Variants in TTC39C observed in about 807,000 individuals in gnomAD.
TTC39C encodes tetratricopeptide repeat domain 39C, also known as tetratricopeptide repeat protein 39C.
A neutral mutation model predicts 76.3 loss-of-function variants in TTC39C; 33 were observed. The ratio of observed to expected loss-of-function variants is 0.43; its 90% CI spans 0.33 to 0.58. The LOEUF (loss-of-function observed/expected upper bound fraction) is 0.58. TTC39C is among the 20% of genes least tolerant of loss of function. The pLI, the probability that TTC39C is intolerant of heterozygous loss-of-function variation, is 0.04. For synonymous variants in TTC39C, 254 were observed against 260.6 expected, an observed-to-expected ratio of 0.97 and a Z score of 0.24; for missense variants, 595 against 701.4, an observed-to-expected ratio of 0.85 and a Z score of 1.71.
intron 1 of TTC39C, 82 bp from the exon 2 acceptor site, chr18:24,064,058 A>G: frequency 6.4e-7 from 1 of 1,569,112 alleles, no homozygotes; most frequent in South Asian, 1.2e-5. Context: ...TATGGTAATC[A>G]TGATATGTCA....
chr18:24,066,445 C>T lies in TTC39C; in HGVS notation c.345+305C>T, dbSNP rs138985679. On this transcript the variant is annotated intron_variant, in intron 3 of 13. Transcript: ENST00000317571. ...TCCTATATGTAATTCAAATAGGATA[C>T]GATGGCAGTTGATGAATAATAGAAT... Among the ~76,000 whole-genome samples, 525 of 152,244 alleles carry T rather than the reference C, an allele frequency of 3.4e-3. 3 individuals are homozygous for T. Among genetic ancestry groups the T allele is most frequent in the Non-Finnish European group, 5.6e-3 (381 of 68,022 alleles).
chr18:24,077,207 T>G (rs1284183771), intron 4 of TTC39C: 1 of 152,292 alleles, frequency 6.6e-6, no homozygotes, highest in Non-Finnish European at 1.5e-5. Flanking sequence ...TCTCCTGGGG[T>G]GTTCCCTTTC....
chr18:24,037,706 A>C (rs2083747860), intron 1 of TTC39C, among the ~76,000 whole-genome samples: 1 of 152,212 alleles, frequency 6.6e-6, no homozygotes, highest in African/African-American at 2.4e-5. Context: ...TTTAGCATTT[A>C]GACATGGAAT....
chr18:24,075,462 T>C (rs546397269), intron 4 of TTC39C, among the ~76,000 whole-genome samples: 1 of 151,966 alleles, frequency 6.6e-6, no homozygotes, highest in Non-Finnish European at 1.5e-5. Flanking sequence ...AGTGGGTGGA[T>C]TGCTTGAGTC....
At chr18:24,123,595 T>G in intron 8 of TTC39C, 1 of 339,788 alleles carries the variant, frequency 2.9e-6, no homozygotes. Context: ...TTAGCAGAGA[T>G]GGGGTTTCGC....
chr18:24,110,856 G>A (rs1009477925), intron 6 of TTC39C, among the ~76,000 whole-genome samples: 12 of 152,222 alleles, frequency 7.9e-5, no homozygotes, highest in African/African-American at 2.9e-4. Flanking sequence ...CATTTTACTA[G>A]TGAAGAAACT....
At chr18:24,103,688 C>A (rs1044984449) in intron 6 of TTC39C, among the ~76,000 whole-genome samples, 1 of 152,124 alleles carries the variant, frequency 6.6e-6, no homozygotes, top group Admixed American at 6.5e-5. Flanking sequence ...TCAGAGGCCA[C>A]TTCTTTCTGC....
At chr18:24,019,998 G>T (rs1599240530) in intron 1 of TTC39C, 1 of 1,445,570 alleles carries the variant, frequency 6.9e-7, no homozygotes, top group East Asian at 2.7e-5. Flanking sequence ...GGACTGGAAG[G>T]ACTTGCAGGC....
chr18:24,025,610 CAG>C (rs2083589767), intron 1 of TTC39C, among the ~76,000 whole-genome samples: 1 of 152,202 alleles, frequency 6.6e-6, no homozygotes, highest in African/African-American at 2.4e-5. Flanking sequence ...GGACATGAGA[CAG>C]TGTGCTGGAT....
rs960237636 is a variant in TTC39C at position 24,061,862 on chromosome 18, C to G, written c.168-2278C>G. On this transcript the variant is annotated intron_variant, in intron 1 of 13. Transcript: ENST00000317571. ...GATGTTGCAGTGAGCCAAGATTGCA[C>G]AATTGCACTCCAGCCTGGGTGACAG... Among the ~76,000 whole-genome samples the G allele has an allele frequency of 2.0e-5, 3 of 152,324 alleles. No individual in the cohort carries two copies. The East Asian group carries it at 5.8e-4, about 29-fold the overall frequency.
chr18:24,082,719 A>G lies in TTC39C; in HGVS notation c.816-194A>G, dbSNP rs562073963. ...GAGGGAAGGGTGTCTTCTGATTTATATATTGTGCTAAAGTTGCAGTTTTCC... is the reference window on the plus strand; with the variant it reads ...GAGGGAAGGGTGTCTTCTGATTTATGTATTGTGCTAAAGTTGCAGTTTTCC... On this transcript the variant is annotated intron_variant, in intron 5 of 13. Coordinates refer to ENST00000317571, the MANE Select transcript of TTC39C (RefSeq NM_001135993.2). 2.0e-5 allele frequency among the ~76,000 whole-genome samples: 3 copies of G among 152,308 alleles called. No individual in the cohort carries two copies. In the South Asian group the frequency reaches 6.2e-4, roughly 32 times the overall value.
chr18:24,085,468 C>CT (rs1262512215), intron 6 of TTC39C, among the ~76,000 whole-genome samples: 1 of 152,136 alleles, frequency 6.6e-6, no homozygotes, highest in Non-Finnish European at 1.5e-5. Context: ...AAAAATCTTA[C>CT]TTTGACATGG....
At chr18:24,131,835 CGTATATATAAA>C in intron 12 of TTC39C, 36 bp from the exon 13 acceptor site, 1 of 1,552,914 alleles carries the variant, frequency 6.4e-7, no homozygotes, top group Non-Finnish European at 8.8e-7. Context: ...TTTCTGCCTG[CGTATATATAAA>C]CACAGATTTT....
At chr18:24,022,958 C>G in intron 1 of TTC39C, 1 of 874,714 alleles carries the variant, frequency 1.1e-6, no homozygotes, top group Non-Finnish European at 1.4e-6. Flanking sequence ...TGTGTTGCAT[C>G]AAAATTGTTT....
At chr18:24,026,507 G>A (rs1302603724) in intron 1 of TTC39C, among the ~76,000 whole-genome samples, 1 of 152,194 alleles carries the variant, frequency 6.6e-6, no homozygotes, top group African/African-American at 2.4e-5. Flanking sequence ...GCCACATAAT[G>A]TAGTATGTTA....
rs139362973 is a variant in TTC39C at position 24,025,362 on chromosome 18, G to A, written c.167+10324G>A. On this transcript the variant is annotated intron_variant, in intron 1 of 13. Coordinates refer to ENST00000317571, the MANE Select transcript of TTC39C (RefSeq NM_001135993.2). ...CTTTCAGTATCCCTATTAAATATTG[G>A]CAGGTGATATACAAATGCAAACTGG... Among the ~76,000 whole-genome samples the A allele has an allele frequency of 3.4e-3, 516 of 152,208 alleles. 6 individuals carry two copies. Among genetic ancestry groups the A allele is most frequent in the South Asian group, 0.028 (135 of 4,810 alleles).
At chr18:24,045,882 C>T in intron 1 of TTC39C, among the ~76,000 whole-genome samples, 1 of 108,822 alleles carries the variant, frequency 9.2e-6, no homozygotes, top group Middle Eastern at 6.0e-3. Context: ...AGGGTACTTC[C>T]TTCTGTGAAA....
intron 9 of TTC39C, among the ~76,000 whole-genome samples, chr18:24,124,988 G>T (rs2085029840): frequency 6.6e-6 from 1 of 152,194 alleles, no homozygotes; most frequent in Admixed American, 6.5e-5. Flanking sequence ...CGCCTCCCAG[G>T]TTCAAGCAAT....
chr18:24,028,781 G>A lies in TTC39C; in HGVS notation c.167+13743G>A, dbSNP rs147123344. On this transcript the variant is annotated intron_variant, in intron 1 of 13. Transcript: ENST00000317571. Reference sequence around the variant, plus strand: ...TCTGTCGCCCAGGCTGGAGTGCAGTGGTGTGATCTCGGCTCACTGCAACCT... The same window carrying A: ...TCTGTCGCCCAGGCTGGAGTGCAGTAGTGTGATCTCGGCTCACTGCAACCT... Among the ~76,000 whole-genome samples the A allele has an allele frequency of 5.3e-3, 809 of 152,178 alleles. 11 individuals are homozygous for A. The highest frequency in any genetic ancestry group is 0.019 in the African/African-American group (775 of 41,494).
Sources: allele counts gnomAD v4.1 joint callset (sites outside exome capture counted in the v4.1 genomes callset), GRCh38; gene constraint gnomAD v4.1.1; transcripts MANE v1.5; gene names NCBI Gene and HGNC (gene_info 2026-07-23, HGNC 2026-07-21).